The following TPCN2 variants were observed in gnomAD, a reference collection of about 807,000 sequenced individuals.
TPCN2 encodes the protein two pore segment channel 2, also known as two pore channel protein 2.
In TPCN2, 92 loss-of-function variants were observed where a neutral mutation model predicts 111.4. That is an observed-to-expected ratio of 0.83 (90% CI 0.70 to 0.98). TPCN2 has a LOEUF of 0.98. Ranked by LOEUF, TPCN2 falls within the 50% of genes least tolerant of loss-of-function variation. The pLI is 0.00. For missense variants in TPCN2, 995 were observed against 980.1 expected, an observed-to-expected ratio of 1.02 and a Z score of -0.20; for synonymous variants, 405 against 414.5, an observed-to-expected ratio of 0.98 and a Z score of 0.28.
rs1274229485 is a variant in TPCN2 at position 69,085,850 on chromosome 11, T to C, written c.1923T>C (p.Ala641=). 1.9e-6 allele frequency: 3 copies of C among 1,614,082 alleles called. No individual in the cohort carries two copies. In the African/African-American group the frequency reaches 4.0e-5, roughly 22 times the overall value. Residue 641 remains alanine (A), a splice_region_variant and synonymous_variant, in exon 22 of 25, where the codon GCT becomes GCC. Coordinates refer to ENST00000294309, the MANE Select transcript of TPCN2 (RefSeq NM_139075.4). ...YWANNFDDFA[A]ALVTLWNLMV... is the part of the protein sequence containing the mutation. ...ACCGCTGGTCTCTGCCCCCGCAGGC[T>C]GCCCTGGTCACTCTGTGGAACTTGA...
intron 2 of TPCN2, 29 bp downstream of exon 2, chr11:69,054,126 G>GC (rs1565078610): frequency 1.9e-6 from 3 of 1,601,254 alleles, no homozygotes; most frequent in African/African-American, 2.7e-5. Flanking sequence ...CTGTGGCCGG[G>GC]CCTGGGGGGT....
chr11:69,055,313 G>T lies in TPCN2; in HGVS notation c.390G>T (p.Val130=). The part of the protein sequence containing the change: ...PPCGLTESVE[V]LCLLVFAADL... ...GCGGCCTGACCGAGAGTGTCGAGGT[G>T]CTCTGCCTGCTGGTCTTTGCGGCCG... The change falls in exon 4 of 25, where the codon GTG becomes GTT. Residue 130 remains valine (V), a synonymous_variant. Coordinates refer to ENST00000294309, the MANE Select transcript of TPCN2 (RefSeq NM_139075.4). The T allele has an allele frequency of 6.2e-7, 1 of 1,613,096 alleles. No homozygotes were observed. The highest frequency in any genetic ancestry group is 8.5e-7 in the Non-Finnish European group (1 of 1,179,840).
chr11:69,072,604 G>A (rs771165733), intron 11 of TPCN2, 23 bp from the exon 12 acceptor site: 8 of 1,613,212 alleles, frequency 5.0e-6, no homozygotes, highest in South Asian at 1.1e-5. Flanking sequence ...TGTGCTCACC[G>A]GGCTGTGGGT....
chr11:69,061,101 C>T (rs760328690), intron 5 of TPCN2, among the ~76,000 whole-genome samples: 4 of 152,200 alleles, frequency 2.6e-5, no homozygotes. Context: ...CCTCTGAGAC[C>T]CCCTTCTGGA....
Position 69,088,628 on chromosome 11 carries a change from G to C in TPCN2, c.*675G>C, listed in dbSNP as rs1856364134. On this transcript the variant is annotated 3_prime_UTR_variant, in exon 25 of 25. Coordinates refer to ENST00000294309, the MANE Select transcript of TPCN2 (RefSeq NM_139075.4). ...TGGCTGTGAGGTGTATCCTGGCGGG[G>C]GGCTGTCTACCTGCAGTGAGGGGCA... 6.6e-6 allele frequency: 1 copy of C among 152,478 alleles called. No individual in the cohort carries two copies. The highest frequency in any genetic ancestry group is 1.5e-5 in the Non-Finnish European group (1 of 68,328). 9.4% of individuals were successfully genotyped at this position (152,478 alleles called of 1,614,324 possible). A position where few individuals can be genotyped will look rare whatever the true frequency, so the allele number is the denominator to read the frequency against.
At chr11:69,076,657 C>T (rs1279122763) in intron 13 of TPCN2, among the ~76,000 whole-genome samples, 1 of 96,560 alleles carries the variant, frequency 1.0e-5, no homozygotes, top group African/African-American at 4.4e-5. Flanking sequence ...CCTGCCGTGT[C>T]CCTCCACCTG....
At chr11:69,064,567 C>T (rs1395726762) in intron 7 of TPCN2, among the ~76,000 whole-genome samples, 1 of 152,218 alleles carries the variant, frequency 6.6e-6, no homozygotes, top group African/African-American at 2.4e-5. Context: ...CCCCCAACCC[C>T]GCTCCAGTGC....
chr11:69,079,170 G>C, intron 16 of TPCN2, 150 bp downstream of exon 16: 1 of 1,063,528 alleles, frequency 9.4e-7, no homozygotes, highest in Non-Finnish European at 1.3e-6. Flanking sequence ...TGGCTTCCCT[G>C]CTGGCCGAGT....
chr11:69,067,047 C>T (rs1855303408), intron 7 of TPCN2, among the ~76,000 whole-genome samples: 1 of 152,184 alleles, frequency 6.6e-6, no homozygotes, highest in South Asian at 2.1e-4. Flanking sequence ...CTATGGGCGG[C>T]CGTGGGCCCT....
At chr11:69,065,563 C>T (rs1462891877) in intron 7 of TPCN2, among the ~76,000 whole-genome samples, 3 of 152,158 alleles carry the variant, frequency 2.0e-5, no homozygotes, top group Non-Finnish European at 4.4e-5. Flanking sequence ...GGATGGTACC[C>T]GGCCCATCCT....
chr11:69,068,406 AGGAAG>A (rs1855370024), intron 8 of TPCN2, among the ~76,000 whole-genome samples: 1 of 46,738 alleles, frequency 2.1e-5, no homozygotes, highest in Non-Finnish European at 4.2e-5. Context: ...TCTGAGTCCT[AGGAAG>A]TGACCGCACT....
Position 69,070,448 on chromosome 11 carries a change from C to T in TPCN2, c.848C>T (p.Ser283Phe). The T allele has an allele frequency of 6.2e-7, 1 of 1,612,704 alleles. No individual in the cohort carries two copies. The stretch of plus-strand genomic sequence containing the variant: ...CTTTTAGTGATGATTCCTGCGTATT[C>T]CAAGAACCGGGCCTATGCCATCTTC... ...NNPDVMIPAY[S>F]KNRAYAIFFI... The change falls in exon 9 of 25, where the codon TCC becomes TTC. Residue 283 changes from serine to phenylalanine, a missense_variant. Physicochemically the swap from Ser to Phe is radical, Grantham distance 155. Transcript: ENST00000294309.
At chr11:69,073,143 A>G in intron 13 of TPCN2, 142 bp downstream of exon 13, 2 of 633,240 alleles carry the variant, frequency 3.2e-6, no homozygotes, top group South Asian at 1.9e-5. Flanking sequence ...GGAACTGGGA[A>G]TGGAGTTCTC....
intron 1 of TPCN2, among the ~76,000 whole-genome samples, chr11:69,051,508 C>G (rs1861224663): frequency 6.6e-6 from 1 of 152,160 alleles, no homozygotes; most frequent in South Asian, 2.1e-4. Flanking sequence ...TGGTCAGGAC[C>G]CTACACAGGT....
intron 7 of TPCN2, among the ~76,000 whole-genome samples, chr11:69,066,069 T>A (rs553025549): frequency 6.6e-6 from 1 of 152,122 alleles, no homozygotes; most frequent in East Asian, 1.9e-4. Context: ...TTCTGTCGGC[T>A]CTATGGACCT....
intron 8 of TPCN2, 103 bp downstream of exon 8, chr11:69,067,708 C>T (rs1313342364): frequency 1.1e-6 from 1 of 933,540 alleles, no homozygotes; most frequent in Non-Finnish European, 1.6e-6. Context: ...TTTCTGAGGC[C>T]TTTTTTTCGA....
At position 69,059,101 on chromosome 11, in the gene TPCN2, G is replaced by A. The variant is rs183493380; in HGVS notation, c.546+1407G>A. On this transcript the variant is annotated intron_variant, in intron 5 of 24. Transcript: ENST00000294309. Reference sequence around the variant, plus strand: ...CCTCCGCCAGCTCCCCACCTGGCCCGGGTTTTTCACCTGGCACAGGGACTG... The same window carrying A: ...CCTCCGCCAGCTCCCCACCTGGCCCAGGTTTTTCACCTGGCACAGGGACTG... 1.0e-3 allele frequency among the ~76,000 whole-genome samples: 157 copies of A among 152,312 alleles called. 1 individual carries two copies. Among genetic ancestry groups the A allele is most frequent in the African/African-American group, 3.3e-3 (136 of 41,582 alleles).
intron 14 of TPCN2, 42 bp from the exon 15 acceptor site, chr11:69,078,692 T>G (rs751790353): frequency 6.2e-7 from 1 of 1,613,334 alleles, no homozygotes; most frequent in Non-Finnish European, 8.5e-7. Context: ...CGCCCAGCGC[T>G]GTGCTGGGCC....
intron 5 of TPCN2, among the ~76,000 whole-genome samples, chr11:69,059,031 G>A (rs12421976): frequency 0.011 from 1,630 of 152,326 alleles, 17 homozygotes; most frequent in Admixed American, 0.018. Context: ...CCTGGCCGTG[G>A]GCCCTGCCTG....
Sources: gnomAD v4.1 joint callset for allele counts (sites outside exome capture counted in the v4.1 genomes callset) on GRCh38, gnomAD v4.1.1 for gene constraint, MANE v1.5 for transcripts, NCBI Gene and HGNC (gene_info 2026-07-23, HGNC 2026-07-21) for gene names.